POLR3GL: variants seen among roughly 807,000 people sequenced by gnomAD.
POLR3GL encodes DNA-directed RNA polymerase III subunit RPC7-like.
Under a neutral mutation model 32.4 loss-of-function variants are expected in POLR3GL, and 26 were observed. The observed-to-expected ratio is 0.80, with a 90% CI of 0.59 to 1.11. The LOEUF is 1.11. POLR3GL is among the 50% of genes most tolerant of loss of function. The probability of loss-of-function intolerance (pLI) is 0.00; values close to 1 mark genes in which losing one functional copy is unlikely to be tolerated. For missense variants in POLR3GL, 229 were observed against 280.1 expected, an observed-to-expected ratio of 0.82 and a Z score of 1.30; for synonymous variants, 95 against 98.7, an observed-to-expected ratio of 0.96 and a Z score of 0.22.
In POLR3GL at chr1:145,966,767, C is replaced by T. The variant is rs186834837; in HGVS notation, c.-42+1999C>T. 6.6e-5 allele frequency among the ~76,000 whole-genome samples: 10 copies of T among 150,770 alleles called. No individual in the cohort carries two copies. In the East Asian group the frequency reaches 7.8e-4, roughly 12 times the overall value. ...TTGCGCCATTGCACTCCAGCCTGGA[C>T]GACAAGAGTGAAACTGTCTCAAAAA... is the stretch of plus-strand genomic sequence containing the variant. On this transcript the variant is annotated intron_variant, in intron 1 of 7. Coordinates refer to ENST00000369314, the MANE Select transcript of POLR3GL (RefSeq NM_032305.3).
chr1:145,978,453 G>A lies in POLR3GL; in HGVS notation c.*6G>A, dbSNP rs782584211. ...TGGACGAGGCTATATACTGAAGAAGGACTCTGGACCCTCGTGTCTTTCTTT... is the reference window on the plus strand; with the variant it reads ...TGGACGAGGCTATATACTGAAGAAGAACTCTGGACCCTCGTGTCTTTCTTT... On this transcript the variant is annotated 3_prime_UTR_variant, in exon 8 of 8. Coordinates refer to ENST00000369314, the MANE Select transcript of POLR3GL (RefSeq NM_032305.3). 9.6e-6 allele frequency: 15 copies of A among 1,566,188 alleles called. No individual in the cohort carries two copies. The East Asian group carries it at 3.1e-4, about 33-fold the overall frequency.
At chr1:145,967,681 G>A (rs941547799) in intron 1 of POLR3GL, among the ~76,000 whole-genome samples, 10 of 152,134 alleles carry the variant, frequency 6.6e-5, no homozygotes, top group Admixed American at 2.0e-4. Flanking sequence ...CACTCCTTTA[G>A]GGGTCTCACC....
intron 1 of POLR3GL, among the ~76,000 whole-genome samples, chr1:145,966,442 G>A (rs1214468239): frequency 7.1e-6 from 1 of 140,972 alleles, no homozygotes; most frequent in African/African-American, 2.7e-5. Context: ...AATTGCCACT[G>A]CACTGCACTT....
At chr1:145,972,053 G>A (rs1650345618) in intron 1 of POLR3GL, among the ~76,000 whole-genome samples, 1 of 141,934 alleles carries the variant, frequency 7.0e-6, no homozygotes, top group Non-Finnish European at 1.5e-5. Flanking sequence ...GAGAGAGAGA[G>A]AGAGAAATTC....
rs587710334 is a variant in POLR3GL at position 145,966,325 on chromosome 1, C to CA, written c.-42+1565dup. Among the ~76,000 whole-genome samples the CA allele has an allele frequency of 2.1e-3, 318 of 150,252 alleles. 3 individuals carry two copies. The highest frequency in any genetic ancestry group is 3.5e-3 in the Non-Finnish European group (238 of 67,560). On this transcript the variant is annotated intron_variant, in intron 1 of 7. Transcript: ENST00000369314. ...CAAAACCCTGTCTCTACAAAAACTA[C>CA]AAAAAAAATAGCCAAGCATGGTGTC...
At position 145,974,858 on chromosome 1, in the gene POLR3GL, C is replaced by T; in HGVS notation, c.-8C>T. 6.6e-7 allele frequency: 1 copy of T among 1,511,654 alleles called. No homozygotes were observed. The highest frequency in any genetic ancestry group is 8.8e-7 in the Non-Finnish European group (1 of 1,139,608). The allele number at this position is 1,511,654 out of a possible 1,614,324, so 93.6% of individuals were successfully genotyped here. A position where few individuals can be genotyped will look rare whatever the true frequency, so the allele number is the denominator to read the frequency against. On this transcript the variant is annotated 5_prime_UTR_variant, in exon 2 of 8. Coordinates refer to ENST00000369314, the MANE Select transcript of POLR3GL (RefSeq NM_032305.3). ...ACTGGATCTCTGAATACCCAGGCCC[C>T]CTCCACCATGGCCAGCCGGGGTGGG...
Position 145,978,103 on chromosome 1 carries a change from G to A in POLR3GL, c.570+7G>A, listed in dbSNP as rs1650648079. The stretch of plus-strand genomic sequence containing the variant: ...TGAAGAAGAACATGAAGAGGTGAAG[G>A]GGACTCCTTCCACCTTAGTCCCCCT... On this transcript the variant is annotated splice_region_variant and intron_variant, in intron 7 of 7. Coordinates refer to ENST00000369314, the MANE Select transcript of POLR3GL (RefSeq NM_032305.3). 3 of 1,586,546 alleles carry A rather than the reference G, an allele frequency of 1.9e-6. No homozygotes were observed. The highest frequency in any genetic ancestry group is 2.7e-5 in the African/African-American group (2 of 74,322).
chr1:145,977,420 G>T, intron 4 of POLR3GL, 63 bp from the exon 5 acceptor site: 1 of 1,504,216 alleles, frequency 6.6e-7, no homozygotes, highest in Non-Finnish European at 9.2e-7. Context: ...TTTAAAACCA[G>T]TCAGTATTCA....
intron 1 of POLR3GL, among the ~76,000 whole-genome samples, chr1:145,966,052 G>A (rs1553761993): frequency 6.9e-6 from 1 of 144,982 alleles, no homozygotes. Context: ...GGAGGCGGAG[G>A]TTGCAGTGAG....
intron 1 of POLR3GL, among the ~76,000 whole-genome samples, chr1:145,969,347 C>T (rs1553762343): frequency 6.6e-6 from 1 of 151,960 alleles, no homozygotes; most frequent in Non-Finnish European, 1.5e-5. Context: ...TCACTGCAAC[C>T]TCCACCTCCC....
chr1:145,975,488 C>T, intron 3 of POLR3GL, 52 bp downstream of exon 3: 1 of 1,594,248 alleles, frequency 6.3e-7, no homozygotes, highest in Non-Finnish European at 8.6e-7. Flanking sequence ...GGGGAGTGCC[C>T]TGTGCTCAGC....
At chr1:145,977,873 A>G (rs371543922) in intron 6 of POLR3GL, 22 bp downstream of exon 6, 1 of 1,613,240 alleles carries the variant, frequency 6.2e-7, no homozygotes, top group African/African-American at 1.3e-5. Context: ...GTGTGCATAG[A>G]GACCTCCTGA....
intron 1 of POLR3GL, among the ~76,000 whole-genome samples, chr1:145,970,512 C>T (rs587630841): frequency 5.9e-5 from 9 of 151,952 alleles, no homozygotes; most frequent in Non-Finnish European, 1.2e-4. Flanking sequence ...CAATTTAAGA[C>T]TTACGGAAAA....
chr1:145,971,485 T>C (rs1177709217), intron 1 of POLR3GL, among the ~76,000 whole-genome samples: 1 of 152,178 alleles, frequency 6.6e-6, no homozygotes, highest in Non-Finnish European at 1.5e-5. Context: ...TATTTTTCTC[T>C]TTATTAGTGT....
In POLR3GL at chr1:145,977,846, C is replaced by G; in HGVS notation, c.451C>G (p.Leu151Val). 6.2e-7 allele frequency: 1 copy of G among 1,613,940 alleles called. No homozygotes were observed. Among genetic ancestry groups the G allele is most frequent in the Non-Finnish European group, 8.5e-7 (1 of 1,179,830 alleles). ...AGATAAGGAGGAAACAATACAGAAA[C>G]TAGAGGTGAGGAGGAAGTGTGCATA... is the stretch of plus-strand genomic sequence containing the variant. ...TEDKEETIQKLETLEKKEEEV... is the reference protein window; with the variant it reads ...TEDKEETIQKVETLEKKEEEV... Residue 151 changes from leucine to valine, a missense_variant, in exon 6 of 8, where the codon CTA (leucine) becomes GTA (valine). Coordinates refer to ENST00000369314, the MANE Select transcript of POLR3GL (RefSeq NM_032305.3).
chr1:145,976,248 C>T (rs1650548501), intron 3 of POLR3GL, among the ~76,000 whole-genome samples: 1 of 151,706 alleles, frequency 6.6e-6, no homozygotes, highest in African/African-American at 2.4e-5. Flanking sequence ...GATCTTGCCA[C>T]TGCACTCTAG....
In POLR3GL at chr1:145,973,817, G is replaced by A. The variant is rs587604592; in HGVS notation, c.-41-1008G>A. Among the ~76,000 whole-genome samples, 126 of 151,766 alleles carry A rather than the reference G, an allele frequency of 8.3e-4. 1 individual carries two copies. Among genetic ancestry groups the A allele is most frequent in the Non-Finnish European group, 1.5e-3 (102 of 67,938 alleles). On this transcript the variant is annotated intron_variant, in intron 1 of 7. Transcript: ENST00000369314. ...GTTTAGACTAGATGACCTCTATAAGGGTCCTCCCAATTCTAAGATTCTATG... is the reference window on the plus strand; with the variant it reads ...GTTTAGACTAGATGACCTCTATAAGAGTCCTCCCAATTCTAAGATTCTATG...
chr1:145,977,191 A>G, intron 4 of POLR3GL, 39 bp downstream of exon 4: 1 of 1,527,510 alleles, frequency 6.5e-7, no homozygotes, highest in African/African-American at 1.4e-5. Flanking sequence ...CCTTCTTTCA[A>G]ATGCATGGGA....
At chr1:145,976,618 AG>A (rs1650566739) in intron 3 of POLR3GL, among the ~76,000 whole-genome samples, 1 of 148,812 alleles carries the variant, frequency 6.7e-6, no homozygotes, top group Admixed American at 6.7e-5. Flanking sequence ...GGAACAGGTT[AG>A]AAGAGTGATA....
Sources: allele counts gnomAD v4.1 joint callset (sites outside exome capture counted in the v4.1 genomes callset), GRCh38; gene constraint gnomAD v4.1.1; transcripts MANE v1.5; gene names NCBI Gene and HGNC (gene_info 2026-07-23, HGNC 2026-07-21).